SMYD1: variants seen among roughly 807,000 people sequenced by gnomAD.
The protein encoded by SMYD1 is histone-lysine N-methyltransferase SMYD1.
Under a neutral mutation model 54.0 loss-of-function variants are expected in SMYD1, and 49 were observed. The observed-to-expected ratio is 0.91, with a 90% CI of 0.72 to 1.15. The LOEUF is 1.15. Among genes scored for constraint, SMYD1 ranks in the 50% most tolerant of loss-of-function variants. SMYD1 has a pLI of 0.00. For synonymous variants in SMYD1, 269 were observed against 234.2 expected (o/e 1.15, Z -1.36); for missense variants, 653 against 639.6 (o/e 1.02, Z -0.23).
intron 1 of SMYD1, among the ~76,000 whole-genome samples, chr2:88,069,015 A>G (rs1673892253): frequency 6.6e-6 from 1 of 152,204 alleles, no homozygotes; most frequent in Admixed American, 6.5e-5. Context: ...TCAGTTTTAT[A>G]GGCTCTCCAA....
chr2:88,106,050 A>G (rs1027025551), intron 7 of SMYD1, among the ~76,000 whole-genome samples: 8 of 151,968 alleles, frequency 5.3e-5, no homozygotes, highest in African/African-American at 1.9e-4. Context: ...GTGTGTATGT[A>G]TAGCTTTCAT....
At chr2:88,105,824 G>A (rs1674852892) in intron 7 of SMYD1, among the ~76,000 whole-genome samples, 1 of 152,166 alleles carries the variant, frequency 6.6e-6, no homozygotes, top group Non-Finnish European at 1.5e-5. Context: ...TGTAATCCCA[G>A]CTACTCAGGA....
At chr2:88,095,538 A>G (rs1244503686) in intron 5 of SMYD1, among the ~76,000 whole-genome samples, 1 of 152,084 alleles carries the variant, frequency 6.6e-6, no homozygotes, top group Non-Finnish European at 1.5e-5. Context: ...TTGCTTTTGC[A>G]TGCTGTCCAA....
At chr2:88,074,652 A>AT (rs998263669) in intron 1 of SMYD1, among the ~76,000 whole-genome samples, 35 of 152,022 alleles carry the variant, frequency 2.3e-4, no homozygotes, top group South Asian at 2.1e-3. Flanking sequence ...CAGTTAGTGG[A>AT]TTTTTTTTTA....
At chr2:88,075,694 T>C (rs1434092054) in intron 1 of SMYD1, among the ~76,000 whole-genome samples, 2 of 151,914 alleles carry the variant, frequency 1.3e-5, no homozygotes, top group Non-Finnish European at 2.9e-5. Context: ...CCTGCCACCA[T>C]GGCTGGCTAC....
intron 1 of SMYD1, among the ~76,000 whole-genome samples, chr2:88,077,635 G>A (rs139142235): frequency 6.6e-6 from 1 of 152,052 alleles, no homozygotes; most frequent in East Asian, 1.9e-4. Context: ...GCTCTTTCTC[G>A]GAATCCAAAA....
At chr2:88,084,110 C>CAA (rs555005304) in intron 1 of SMYD1, among the ~76,000 whole-genome samples, 1 of 143,942 alleles carries the variant, frequency 6.9e-6, no homozygotes, top group African/African-American at 2.5e-5. Context: ...AACTCTGTCT[C>CAA]AAAAAAAAAA....
intron 1 of SMYD1, among the ~76,000 whole-genome samples, chr2:88,078,229 C>G (rs992712917): frequency 6.6e-6 from 1 of 152,214 alleles, no homozygotes; most frequent in African/African-American, 2.4e-5. Flanking sequence ...TATCCAGTGC[C>G]AGGCTCTGTG....
intron 6 of SMYD1, among the ~76,000 whole-genome samples, chr2:88,101,964 A>G (rs1307565801): frequency 6.6e-6 from 1 of 151,940 alleles, no homozygotes; most frequent in Non-Finnish European, 1.5e-5. Flanking sequence ...CTTTTTCTGT[A>G]TCAGTCATTA....
chr2:88,077,171 T>A (rs1558847224), intron 1 of SMYD1, among the ~76,000 whole-genome samples: 2 of 152,198 alleles, frequency 1.3e-5, no homozygotes, highest in Non-Finnish European at 2.9e-5. Flanking sequence ...GCAGGCACCT[T>A]GTCTTTGCAT....
Position 88,106,363 on chromosome 2 carries a change from G to A in SMYD1, c.1020G>A (p.Glu340=). Residue 340 remains glutamate, a synonymous_variant, in exon 8 of 10, where the codon GAG becomes GAA. Coordinates refer to ENST00000419482, the MANE Select transcript of SMYD1 (RefSeq NM_198274.4). The part of the protein sequence containing the change: ...KLCRECLEKQ[E]PVFADTNIYM... ...GCCGGGAGTGCCTGGAGAAGCAGGA[G>A]CCAGTGTTTGCTGACACCAACATCT... The A allele has an allele frequency of 5.0e-6, 8 of 1,614,164 alleles. No homozygotes were observed. Among genetic ancestry groups the A allele is most frequent in the Non-Finnish European group, 6.8e-6 (8 of 1,180,040 alleles).
At chr2:88,102,104 C>T (rs544793974) in intron 6 of SMYD1, among the ~76,000 whole-genome samples, 4 of 150,802 alleles carry the variant, frequency 2.7e-5, no homozygotes, top group East Asian at 3.9e-4. Context: ...TTTTAATTTT[C>T]ACAACTTGCA....
At chr2:88,090,989 C>G (rs771721703) in intron 3 of SMYD1, 23 bp from the exon 4 acceptor site, 4 of 1,605,478 alleles carry the variant, frequency 2.5e-6, no homozygotes, top group Non-Finnish European at 2.6e-6. Flanking sequence ...TCGACTGACT[C>G]TTTCATCTTT....
At chr2:88,105,451 T>C (rs1674840247) in intron 7 of SMYD1, among the ~76,000 whole-genome samples, 1 of 152,144 alleles carries the variant, frequency 6.6e-6, no homozygotes. Flanking sequence ...TACTAAAATC[T>C]TCAGATGCTC....
chr2:88,093,935 C>G (rs2970905), intron 5 of SMYD1, among the ~76,000 whole-genome samples: 1 of 152,062 alleles, frequency 6.6e-6, no homozygotes, highest in African/African-American at 2.4e-5. Context: ...TTTATAAGCC[C>G]CAACTTCTCA....
chr2:88,095,338 A>G lies in SMYD1; in HGVS notation c.699-1257A>G, dbSNP rs548879104. On this transcript the variant is annotated intron_variant, in intron 5 of 9. Coordinates refer to ENST00000419482, the MANE Select transcript of SMYD1 (RefSeq NM_198274.4). Reference sequence around the variant, plus strand: ...CTCCACAGGAGTTGTTTTTATACATATTATCACATTAATAGGCATGTCAGT... The same window carrying G: ...CTCCACAGGAGTTGTTTTTATACATGTTATCACATTAATAGGCATGTCAGT... 2.6e-5 allele frequency among the ~76,000 whole-genome samples: 4 copies of G among 152,336 alleles called. No individual in the cohort carries two copies. The South Asian group carries it at 8.3e-4, about 32-fold the overall frequency.
intron 1 of SMYD1, among the ~76,000 whole-genome samples, chr2:88,075,026 A>G (rs1674028207): frequency 6.6e-6 from 1 of 152,260 alleles, no homozygotes; most frequent in African/African-American, 2.4e-5. Flanking sequence ...AAATAATTTA[A>G]TAAAAGGATT....
intron 4 of SMYD1, among the ~76,000 whole-genome samples, chr2:88,092,242 C>A (rs188984867): frequency 8.3e-4 from 126 of 152,220 alleles, no homozygotes; most frequent in Admixed American, 2.4e-3. Flanking sequence ...CAGAGGCCAG[C>A]CCCCTTTTCT....
At chr2:88,086,542 C>A (rs890059187) in intron 2 of SMYD1, among the ~76,000 whole-genome samples, 5 of 152,200 alleles carry the variant, frequency 3.3e-5, no homozygotes, top group Non-Finnish European at 5.9e-5. Flanking sequence ...CTGGCCTCCT[C>A]CTCTTCCCCC....
Sources: gnomAD v4.1 joint callset for allele counts (sites outside exome capture counted in the v4.1 genomes callset) on GRCh38, gnomAD v4.1.1 for gene constraint, MANE v1.5 for transcripts, NCBI Gene and HGNC (gene_info 2026-07-23, HGNC 2026-07-21) for gene names.